PTPRD: variants seen among roughly 807,000 people sequenced by gnomAD.
The protein encoded by PTPRD is protein tyrosine phosphatase receptor type D.
Under a neutral mutation model 214.5 loss-of-function variants are expected in PTPRD, and 34 were observed. The observed-to-expected ratio is 0.16, with a 90% CI of 0.12 to 0.21. The LOEUF is 0.21. PTPRD is among the 10% of genes least tolerant of loss of function. The probability of loss-of-function intolerance (pLI) is 1.00; values close to 1 mark genes in which losing one functional copy is unlikely to be tolerated. For missense variants in PTPRD, 2,545 were observed against 2,398.7 expected, an observed-to-expected ratio of 1.06 and a Z score of -1.27; for synonymous variants, 1,128 against 845.7, an observed-to-expected ratio of 1.33 and a Z score of -5.79.
At chr9:10,200,959 G>C (rs2099417595) in intron 3 of PTPRD, among the ~76,000 whole-genome samples, 1 of 151,966 alleles carries the variant, frequency 6.6e-6, no homozygotes, top group South Asian at 2.1e-4. Flanking sequence ...TTGGCACCTA[G>C]AAATAAAAGA....
At chr9:9,022,658 G>C (rs993801413) in intron 10 of PTPRD, among the ~76,000 whole-genome samples, 1 of 152,118 alleles carries the variant, frequency 6.6e-6, no homozygotes, top group Non-Finnish European at 1.5e-5. Context: ...ACGTATTCTT[G>C]TTAAGTGATG....
At chr9:9,270,915 C>T (rs1455284440) in intron 9 of PTPRD, among the ~76,000 whole-genome samples, 2 of 151,166 alleles carry the variant, frequency 1.3e-5, no homozygotes, top group Non-Finnish European at 3.0e-5. Flanking sequence ...AAAGAACACT[C>T]TTCGAATTAT....
In PTPRD at chr9:8,974,581, C is replaced by A. The variant is rs2099257486; in HGVS notation, c.-104+44116G>T. Among the ~76,000 whole-genome samples, 3 of 151,858 alleles carry A rather than the reference C, an allele frequency of 2.0e-5. No individual in the cohort carries two copies. The South Asian group carries it at 6.2e-4, about 32-fold the overall frequency. On this transcript the variant is annotated intron_variant, in intron 11 of 45. Transcript: ENST00000381196. ...CTATTTTCAGGATGGCATCTGTTGC[C>A]ATCAGTAGAGGAATGGCCATTTCCC...
At chr9:8,735,152 G>GTTTTTTTTTTTTTTTTTTTTTTTT (rs1380564021) in intron 11 of PTPRD, among the ~76,000 whole-genome samples, 1 of 125,486 alleles carries the variant, frequency 8.0e-6, no homozygotes, top group Non-Finnish European at 1.7e-5. Context: ...TTTTTTTTCT[G>GTTTTTTTTTTTTTTTTTTTTTTTT]TTTTTTTTTT....
intron 35 of PTPRD, among the ~76,000 whole-genome samples, chr9:8,416,763 CA>C (rs2093969090): frequency 6.6e-6 from 1 of 152,026 alleles, no homozygotes; most frequent in African/African-American, 2.4e-5. Context: ...ATTATGATGA[CA>C]ATGAGGGGTG....
intron 5 of PTPRD, among the ~76,000 whole-genome samples, chr9:9,864,871 A>AT (rs1355162769): frequency 6.6e-6 from 1 of 152,112 alleles, no homozygotes; most frequent in South Asian, 2.1e-4. Flanking sequence ...TTTATTACAC[A>AT]TTTTATACTT....
intron 5 of PTPRD, among the ~76,000 whole-genome samples, chr9:9,847,386 T>C (rs2059734837): frequency 6.6e-6 from 1 of 152,194 alleles, no homozygotes; most frequent in Non-Finnish European, 1.5e-5. Context: ...GCATGTCAAA[T>C]ATTTTGATAC....
intron 39 of PTPRD, among the ~76,000 whole-genome samples, chr9:8,361,866 C>T (rs1280873612): frequency 6.6e-6 from 1 of 152,190 alleles, no homozygotes; most frequent in Non-Finnish European, 1.5e-5. Flanking sequence ...GTACAGAAGT[C>T]CCCCACAGGG....
intron 12 of PTPRD, among the ~76,000 whole-genome samples, chr9:8,641,034 A>G (rs1195924842): frequency 1.3e-5 from 2 of 148,352 alleles, no homozygotes; most frequent in Non-Finnish European, 2.9e-5. Flanking sequence ...CTTTATTCTC[A>G]GAGGGATATA....
intron 14 of PTPRD, among the ~76,000 whole-genome samples, chr9:8,625,815 T>C (rs546065087): frequency 2.0e-5 from 3 of 151,122 alleles, no homozygotes; most frequent in East Asian, 3.9e-4. Context: ...TTTTGGAAGA[T>C]GACAGATAAG....
At chr9:8,948,543 T>TTATATATATATTTA (rs1228234537) in intron 11 of PTPRD, among the ~76,000 whole-genome samples, 6 of 31,186 alleles carry the variant, frequency 1.9e-4, no homozygotes, top group East Asian at 5.7e-4. Context: ...ATATATATAT[T>TTATATATATATTTA]TATATATATT....
At chr9:10,296,805 G>T (rs2095688149) in intron 3 of PTPRD, among the ~76,000 whole-genome samples, 1 of 151,984 alleles carries the variant, frequency 6.6e-6, no homozygotes. Flanking sequence ...CATTGCTTCT[G>T]AGGTAGCAAA....
rs796909204 is a variant in PTPRD, at chr9:9,245,882, G to A, written c.-202-62519C>T. Reference sequence around the variant, plus strand: ...TCTCACATATATAGATATTATAGGTGAAATGTGACATTGAATCTTTGGCTT... The same window carrying A: ...TCTCACATATATAGATATTATAGGTAAAATGTGACATTGAATCTTTGGCTT... On this transcript the variant is annotated intron_variant, in intron 9 of 45. Coordinates refer to ENST00000381196, the MANE Select transcript of PTPRD (RefSeq NM_002839.4). Among the ~76,000 whole-genome samples, 8 of 152,190 alleles carry A rather than the reference G, an allele frequency of 5.3e-5. 1 individual carries two copies. Among genetic ancestry groups the A allele is most frequent in the African/African-American group, 1.9e-4 (8 of 41,550 alleles).
chr9:9,911,365 T>C (rs2079133067), intron 5 of PTPRD, among the ~76,000 whole-genome samples: 1 of 152,048 alleles, frequency 6.6e-6, no homozygotes, highest in South Asian at 2.1e-4. Flanking sequence ...TCCAAACTTG[T>C]TTGAATGCAA....
At chr9:9,239,087 C>T (rs1232605233) in intron 9 of PTPRD, among the ~76,000 whole-genome samples, 2 of 151,904 alleles carry the variant, frequency 1.3e-5, no homozygotes, top group East Asian at 3.9e-4. Context: ...TCCCTGTGCC[C>T]ATGAGATGTA....
rs564761157 is a variant in PTPRD, at chr9:9,855,855, G to C, written c.-368+82652C>G. ...CTTTTTAGCTCTGCAGTCCATGGACGGCTTTAAGCGCTAGCAGCTCAGTGG... is the reference window on the plus strand; with the variant it reads ...CTTTTTAGCTCTGCAGTCCATGGACCGCTTTAAGCGCTAGCAGCTCAGTGG... On this transcript the variant is annotated intron_variant, in intron 5 of 45. Coordinates refer to ENST00000381196, the MANE Select transcript of PTPRD (RefSeq NM_002839.4). Among the ~76,000 whole-genome samples, 3 of 152,178 alleles carry C rather than the reference G, an allele frequency of 2.0e-5. No homozygotes were observed. In the South Asian group the frequency reaches 6.2e-4, roughly 31 times the overall value.
At chr9:8,614,404 G>T (rs1347016995) in intron 14 of PTPRD, among the ~76,000 whole-genome samples, 1 of 152,074 alleles carries the variant, frequency 6.6e-6, no homozygotes, top group Non-Finnish European at 1.5e-5. Flanking sequence ...CCAGGTATAG[G>T]TTTATTCATA....
intron 2 of PTPRD, among the ~76,000 whole-genome samples, chr9:10,552,990 A>G (rs1358034070): frequency 1.3e-5 from 2 of 152,168 alleles, no homozygotes; most frequent in African/African-American, 4.8e-5. Context: ...GTCCTAGGGT[A>G]GATTTATTTA....
intron 10 of PTPRD, among the ~76,000 whole-genome samples, chr9:9,035,058 A>G (rs918593462): frequency 1.3e-5 from 2 of 151,960 alleles, no homozygotes; most frequent in African/African-American, 4.8e-5. Context: ...CTAGATGGTG[A>G]GCTTTTGGAG....
Sources: allele counts gnomAD v4.1 joint callset (sites outside exome capture counted in the v4.1 genomes callset), GRCh38; gene constraint gnomAD v4.1.1; transcripts MANE v1.5; gene names NCBI Gene and HGNC (gene_info 2026-07-23, HGNC 2026-07-21).